SMG9: variants seen among roughly 807,000 people sequenced by gnomAD.
SMG9 encodes nonsense-mediated mRNA decay factor SMG9.
Under a neutral mutation model 64.0 loss-of-function variants are expected in SMG9, and 55 were observed. The observed-to-expected ratio is 0.86, with a 90% CI of 0.69 to 1.08. The LOEUF is 1.08. Among genes scored for constraint, SMG9 ranks in the 50% least tolerant of loss-of-function variants. The pLI, the probability that SMG9 is intolerant of heterozygous loss-of-function variation, is 0.00. For synonymous variants in SMG9, 244 were observed against 254.8 expected (o/e 0.96, Z 0.41); for missense variants, 554 against 681.3 (o/e 0.81, Z 2.08).
chr19:43,735,946 G>A (rs1968653184), intron 9 of SMG9, among the ~76,000 whole-genome samples: 1 of 152,104 alleles, frequency 6.6e-6, no homozygotes, highest in Non-Finnish European at 1.5e-5. Flanking sequence ...TATCTGTTTT[G>A]TTCACACCTG....
At chr19:43,750,841 T>A in intron 1 of SMG9, 94 bp from the exon 2 acceptor site, 1 of 1,208,066 alleles carries the variant, frequency 8.3e-7, no homozygotes, top group Non-Finnish European at 1.1e-6. Flanking sequence ...CTTTCTTTTT[T>A]TTGGAGATGG....
chr19:43,731,439 G>A lies in SMG9; in HGVS notation c.*157C>T. 2.1e-6 allele frequency: 3 copies of A among 1,453,490 alleles called. No homozygotes were observed. The highest frequency in any genetic ancestry group is 2.7e-6 in the Non-Finnish European group (3 of 1,100,610). 90.0% of individuals were successfully genotyped at this position (1,453,490 alleles called of 1,614,324 possible). A position where few individuals can be genotyped will look rare whatever the true frequency, so the allele number is the denominator to read the frequency against. ...GCCCCAACTGAGGGTGGGGGGCCTG[G>A]CCCTGGACACCTCATGTCTCTGGGC... On this transcript the variant is annotated 3_prime_UTR_variant, in exon 14 of 14. Transcript: ENST00000270066.
intron 5 of SMG9, 102 bp from the exon 6 acceptor site, chr19:43,744,986 T>C (rs769766823): frequency 6.8e-5 from 52 of 765,116 alleles, no homozygotes; most frequent in Non-Finnish European, 1.1e-4. Context: ...ACCTGCCTTA[T>C]CATATATGAA....
At chr19:43,742,960 A>C (rs1244516471) in intron 6 of SMG9, among the ~76,000 whole-genome samples, 1 of 152,076 alleles carries the variant, frequency 6.6e-6, no homozygotes. Context: ...TGGTAGTCCC[A>C]GCTACTCGGG....
Position 43,731,546 on chromosome 19 carries a change from G to A in SMG9, c.*50C>T, listed in dbSNP as rs199514416. 6.2e-6 allele frequency: 10 copies of A among 1,612,870 alleles called. No individual in the cohort carries two copies. Among genetic ancestry groups the A allele is most frequent in the Middle Eastern group, 3.3e-4 (2 of 6,058 alleles). On this transcript the variant is annotated 3_prime_UTR_variant, in exon 14 of 14. Coordinates refer to ENST00000270066, the MANE Select transcript of SMG9 (RefSeq NM_019108.4). ...GGATGGACATCTGTGCTCCCTCGCA[G>A]TACACTGCGGACCCAGGAGGTCCCC...
intron 5 of SMG9, among the ~76,000 whole-genome samples, chr19:43,745,467 C>T (rs1968970284): frequency 6.6e-6 from 1 of 152,206 alleles, no homozygotes; most frequent in Non-Finnish European, 1.5e-5. Flanking sequence ...ACTTTCACCA[C>T]CAGGGGGTGT....
chr19:43,740,977 A>T (rs1968828726), intron 6 of SMG9, among the ~76,000 whole-genome samples: 1 of 152,184 alleles, frequency 6.6e-6, no homozygotes, highest in Non-Finnish European at 1.5e-5. Context: ...TCAAGGGGTA[A>T]TTTCTATCTC....
chr19:43,733,129 T>C (rs187812282), intron 12 of SMG9, 127 bp from the exon 13 acceptor site: 4 of 1,339,912 alleles, frequency 3.0e-6, no homozygotes, highest in Non-Finnish European at 4.1e-6. Context: ...TGTACTTCTA[T>C]GACTCTGAAA....
At chr19:43,750,149 A>G (rs780474914) in intron 2 of SMG9, 1 of 521,664 alleles carries the variant, frequency 1.9e-6, no homozygotes, top group South Asian at 1.4e-5. Flanking sequence ...GTGAAATACA[A>G]AGTTCTTTCC....
intron 7 of SMG9, 25 bp from the exon 8 acceptor site, chr19:43,738,242 G>A (rs1968737565): frequency 1.2e-6 from 2 of 1,602,174 alleles, no homozygotes; most frequent in African/African-American, 1.3e-5. Flanking sequence ...AGAACAGAGT[G>A]TCACTCAGAT....
At chr19:43,747,326 CT>C (rs1969046233) in intron 5 of SMG9, 115 bp downstream of exon 5, 1 of 909,546 alleles carries the variant, frequency 1.1e-6, no homozygotes. Context: ...ATACCACCCC[CT>C]CTCACTGCTG....
intron 6 of SMG9, among the ~76,000 whole-genome samples, 193 bp downstream of exon 6, chr19:43,744,579 T>C (rs1968942994): frequency 6.6e-6 from 1 of 152,178 alleles, no homozygotes; most frequent in South Asian, 2.1e-4. Context: ...GGAACAGGAT[T>C]GGATGCCTTG....
chr19:43,736,723 G>A (rs911319377), intron 9 of SMG9, among the ~76,000 whole-genome samples: 10 of 152,198 alleles, frequency 6.6e-5, no homozygotes, highest in Non-Finnish European at 1.5e-4. Context: ...GCTTACATTC[G>A]AATGGGGGAG....
At chr19:43,748,712 T>C (rs1599658510) in intron 2 of SMG9, 1 of 520,164 alleles carries the variant, frequency 1.9e-6, no homozygotes, top group African/African-American at 1.9e-5. Flanking sequence ...GAAATCTGAG[T>C]CTGAGTCCCG....
chr19:43,749,202 A>G (rs1296222318), intron 2 of SMG9, among the ~76,000 whole-genome samples: 1 of 152,226 alleles, frequency 6.6e-6, no homozygotes, highest in East Asian at 1.9e-4. Context: ...AGATATAACC[A>G]GGCGGCAGAA....
chr19:43,733,864 T>C, intron 10 of SMG9, 131 bp from the exon 11 acceptor site: 1 of 668,270 alleles, frequency 1.5e-6, no homozygotes. Context: ...TAACTTCACT[T>C]CACTTTAGCA....
intron 7 of SMG9, among the ~76,000 whole-genome samples, chr19:43,739,201 A>G (rs570612786): frequency 6.6e-6 from 1 of 152,376 alleles, no homozygotes; most frequent in African/African-American, 2.4e-5. Flanking sequence ...AGGAAGAAGA[A>G]GGCGTTAGCC....
At chr19:43,749,455 A>G (rs1969127474) in intron 2 of SMG9, among the ~76,000 whole-genome samples, 1 of 152,208 alleles carries the variant, frequency 6.6e-6, no homozygotes. Flanking sequence ...GTGCTTGTTC[A>G]AGGATTAAAC....
At chr19:43,753,102 C>T (rs1969241440) in intron 1 of SMG9, among the ~76,000 whole-genome samples, 2 of 152,064 alleles carry the variant, frequency 1.3e-5, no homozygotes, top group East Asian at 3.9e-4. Context: ...AGACAAGTGG[C>T]TTGTCTAGCT....
Sources: allele counts gnomAD v4.1 joint callset (sites outside exome capture counted in the v4.1 genomes callset), GRCh38; gene constraint gnomAD v4.1.1; transcripts MANE v1.5; gene names NCBI Gene and HGNC (gene_info 2026-07-23, HGNC 2026-07-21).